DENND6B: variants seen among roughly 807,000 people sequenced by gnomAD.
DENND6B encodes the protein DENN domain containing 6B.
DENND6B carries 73 observed loss-of-function variants against 85.1 expected under a neutral mutation model. The ratio of observed to expected loss-of-function variants is 0.86; its 90% CI spans 0.71 to 1.04. The LOEUF is 1.04. Among genes scored for constraint, DENND6B ranks in the 50% least tolerant of loss-of-function variants. The pLI is 0.00. For missense variants in DENND6B, 715 were observed against 785.8 expected, an observed-to-expected ratio of 0.91 and a Z score of 1.08; for synonymous variants, 357 against 329.3, an observed-to-expected ratio of 1.08 and a Z score of -0.91.
At chr22:50,317,567 C>T (rs1309738802) in intron 4 of DENND6B, among the ~76,000 whole-genome samples, 194 bp from the exon 5 acceptor site, 1 of 152,062 alleles carries the variant, frequency 6.6e-6, no homozygotes, top group Non-Finnish European at 1.5e-5. Context: ...AGAAGGTGGG[C>T]AACACCCCTG....
At chr22:50,320,459 A>G (rs995200636) in intron 1 of DENND6B, among the ~76,000 whole-genome samples, 37 of 152,224 alleles carry the variant, frequency 2.4e-4, no homozygotes, top group African/African-American at 8.7e-4. Flanking sequence ...TCCAATGCAG[A>G]GTAAGTCTCT....
intron 13 of DENND6B, 61 bp downstream of exon 13, chr22:50,314,146 C>G (rs560021955): frequency 6.5e-7 from 1 of 1,528,402 alleles, no homozygotes; most frequent in Non-Finnish European, 8.8e-7. Flanking sequence ...CCGAGAGACC[C>G]GCCAGGTACA....
At position 50,316,206 on chromosome 22, in the gene DENND6B, G is replaced by C; in HGVS notation, c.607C>G (p.Leu203Val). ...QWPAPAPGQT[L>V]NLPVMGVVVQ... ...ACAACGCCCATGACAGGTAGGTTCAGGGTCTGCCCAGGTGCAGGCGCCGGC... is the reference window on the plus strand; with the variant it reads ...ACAACGCCCATGACAGGTAGGTTCACGGTCTGCCCAGGTGCAGGCGCCGGC... Residue 203 changes from leucine to valine, a missense_variant, in exon 7 of 20, where the codon CTG becomes GTG. Transcript: ENST00000413817. 6.2e-7 allele frequency: 1 copy of C among 1,611,890 alleles called. No homozygotes were observed.
Position 50,314,455 on chromosome 22 carries a change from G to C in DENND6B, c.1017C>G (p.Ile339Met), listed in dbSNP as rs2147769780. 1 of 1,564,750 alleles carries C rather than the reference G, an allele frequency of 6.4e-7. No individual in the cohort carries two copies. Among genetic ancestry groups the C allele is most frequent in the East Asian group, 2.4e-5 (1 of 42,358 alleles). The change falls in exon 12 of 20, where the codon ATC (isoleucine) becomes ATG (methionine). Residue 339 changes from isoleucine to methionine, a missense_variant. By Grantham distance (10) the Ile-to-Met change is conservative. Coordinates refer to ENST00000413817, the MANE Select transcript of DENND6B (RefSeq NM_001001794.4). ...TGTGGGGCCAGTGCTGGAGTGTTTT[G>C]ATAAAGAAAGGGTTTGTGACTCCCA... ...VVLGVTNPFF[I>M]KTLQHWPHIL... is the part of the protein sequence containing the mutation.
At chr22:50,326,375 T>C (rs988273169) in intron 1 of DENND6B, among the ~76,000 whole-genome samples, 1 of 152,150 alleles carries the variant, frequency 6.6e-6, no homozygotes, top group Non-Finnish European at 1.5e-5. Flanking sequence ...ACATCAGTGA[T>C]GGCAGCAAAG....
intron 4 of DENND6B, among the ~76,000 whole-genome samples, 170 bp from the exon 5 acceptor site, chr22:50,317,543 G>A (rs548774253): frequency 6.6e-6 from 1 of 152,238 alleles, no homozygotes; most frequent in Admixed American, 6.5e-5. Context: ...TGGAGGCCAG[G>A]AGGTCCTGGG....
At chr22:50,319,927 C>A (rs568434584) in intron 1 of DENND6B, among the ~76,000 whole-genome samples, 1 of 152,222 alleles carries the variant, frequency 6.6e-6, no homozygotes, top group African/African-American at 2.4e-5. Context: ...GACAGGTGTG[C>A]GCTGACAGAG....
At chr22:50,313,902 C>T (rs375707299) in intron 13 of DENND6B, 24 bp from the exon 14 acceptor site, 6 of 1,593,924 alleles carry the variant, frequency 3.8e-6, no homozygotes, top group Non-Finnish European at 4.3e-6. Flanking sequence ...ACAGCTGGCG[C>T]CCCACCCTTC....
intron 5 of DENND6B, chr22:50,317,076 C>CGGCGAGGACAGGGTGGGGGGGT: frequency 4.8e-6 from 1 of 208,072 alleles, no homozygotes; most frequent in Non-Finnish European, 8.7e-6. Flanking sequence ...TGGGGGGGGG[C>CGGCGAGGACAGGGTGGGGGGGT]GGCGAGGACA....
chr22:50,317,761 G>A, intron 4 of DENND6B, 147 bp downstream of exon 4: 3 of 780,376 alleles, frequency 3.8e-6, no homozygotes, highest in Non-Finnish European at 6.0e-6. Flanking sequence ...TGGTGCCTGG[G>A]ACTGCAGGGC....
chr22:50,312,611 G>A lies in DENND6B; in HGVS notation c.1472C>T (p.Ser491Phe). 1.9e-6 allele frequency: 3 copies of A among 1,578,530 alleles called. No homozygotes were observed. Among genetic ancestry groups the A allele is most frequent in the South Asian group, 1.2e-5 (1 of 86,566 alleles). The change falls in exon 18 of 20, where the codon TCC becomes TTC. Residue 491 changes from serine (S) to phenylalanine (F), a missense_variant. Physicochemically the swap from Ser to Phe is radical, Grantham distance 155. Coordinates refer to ENST00000413817, the MANE Select transcript of DENND6B (RefSeq NM_001001794.4). ...WLGLYRRFFK[S>F]PHFDGWYRQR... is the part of the protein sequence containing the mutation. Reference sequence around the variant, plus strand: ...CCGGTACCAGCCATCAAAATGGGGGGACTTGAAAAACCGCCTGTGGGGATT... The same window carrying A: ...CCGGTACCAGCCATCAAAATGGGGGAACTTGAAAAACCGCCTGTGGGGATT...
intron 1 of DENND6B, among the ~76,000 whole-genome samples, chr22:50,320,758 A>G (rs2042018506): frequency 6.6e-6 from 1 of 152,168 alleles, no homozygotes; most frequent in Non-Finnish European, 1.5e-5. Context: ...AACTGAGAAA[A>G]GGCGGGTACC....
chr22:50,324,542 AG>A (rs2042140408), intron 1 of DENND6B, among the ~76,000 whole-genome samples: 1 of 152,176 alleles, frequency 6.6e-6, no homozygotes, highest in Non-Finnish European at 1.5e-5. Flanking sequence ...TGCCTGCCTC[AG>A]CTTCCTGAGT....
intron 4 of DENND6B, among the ~76,000 whole-genome samples, chr22:50,317,691 G>A (rs2041899304): frequency 6.6e-6 from 1 of 152,174 alleles, no homozygotes; most frequent in Non-Finnish European, 1.5e-5. Flanking sequence ...GTGGTGCCAA[G>A]GAAAAGTCCC....
intron 1 of DENND6B, among the ~76,000 whole-genome samples, chr22:50,321,129 G>A (rs2042029258): frequency 6.6e-6 from 1 of 152,178 alleles, no homozygotes; most frequent in South Asian, 2.1e-4. Context: ...GGAAGACTGG[G>A]GGTGGGAGCT....
intron 1 of DENND6B, among the ~76,000 whole-genome samples, chr22:50,325,349 T>A (rs1186582418): frequency 6.6e-6 from 1 of 150,552 alleles, no homozygotes; most frequent in Non-Finnish European, 1.5e-5. Flanking sequence ...TTTTTTTTTT[T>A]TTTTTTGAGA....
chr22:50,320,792 C>T (rs1189007036), intron 1 of DENND6B, among the ~76,000 whole-genome samples: 1 of 152,226 alleles, frequency 6.6e-6, no homozygotes, highest in Non-Finnish European at 1.5e-5. Flanking sequence ...CAGGACTCTG[C>T]ACCTGGTCTG....
At chr22:50,316,694 T>C in intron 5 of DENND6B, 1 of 1,480,380 alleles carries the variant, frequency 6.8e-7, no homozygotes, top group Non-Finnish European at 9.0e-7. Context: ...TGGCGGCCGG[T>C]GGGGCTGGAC....
At chr22:50,313,925 C>G in intron 13 of DENND6B, 47 bp from the exon 14 acceptor site, 1 of 1,560,808 alleles carries the variant, frequency 6.4e-7, no homozygotes, top group Non-Finnish European at 8.6e-7. Flanking sequence ...GGGCCTCCCT[C>G]CCACACTCCT....
Sources: allele counts gnomAD v4.1 joint callset (sites outside exome capture counted in the v4.1 genomes callset), GRCh38; gene constraint gnomAD v4.1.1; transcripts MANE v1.5; gene names NCBI Gene and HGNC (gene_info 2026-07-23, HGNC 2026-07-21).